The following GLIS3 variants were observed in gnomAD, a reference collection of about 807,000 sequenced individuals.
GLIS3 encodes the protein GLIS family zinc finger 3, also known as zinc finger protein GLIS3.
A neutral mutation model predicts 78.6 loss-of-function variants in GLIS3; 53 were observed. The ratio of observed to expected loss-of-function variants is 0.67; its 90% confidence interval spans 0.54 to 0.85. The LOEUF is 0.85. Ranked by LOEUF, GLIS3 falls within the 40% of genes least tolerant of loss-of-function variation. GLIS3 has a pLI of 0.00. For missense variants in GLIS3, 1,703 were observed against 1,231.1 expected, an observed-to-expected ratio of 1.38 and a Z score of -5.74; for synonymous variants, 684 against 509.9, an observed-to-expected ratio of 1.34 and a Z score of -4.60.
intron 2 of GLIS3, among the ~76,000 whole-genome samples, chr9:4,188,485 T>G (rs1420954867): frequency 6.6e-6 from 1 of 150,692 alleles, no homozygotes; most frequent in Admixed American, 6.6e-5. Flanking sequence ...TGCCCGGCTT[T>G]GGTATCAGGA....
chr9:4,397,009 CTTTTTTCT>C, the GLIS3 span, among the ~76,000 whole-genome samples: 42 of 142,012 alleles, frequency 3.0e-4, no homozygotes, highest in South Asian at 6.8e-4. Flanking sequence ...TTTGTCAATC[CTTTTTTCT>C]TTTTTTCTTT....
Position 3,995,128 on chromosome 9 carries a change from C to T in GLIS3, c.1711-57939G>A, listed in dbSNP as rs561029142. Among the ~76,000 whole-genome samples, 69 of 152,112 alleles carry T rather than the reference C, an allele frequency of 4.5e-4. 1 individual carries two copies. Among genetic ancestry groups the T allele is most frequent in the African/African-American group, 1.6e-3 (65 of 41,490 alleles). ...GCAAATAAACTGGGAGGAGCAAAAC[C>T]AAACCTGACCTACAGAGTGAGGCAG... On this transcript the variant is annotated intron_variant, in intron 4 of 10. Coordinates refer to ENST00000381971, the MANE Select transcript of GLIS3 (RefSeq NM_001042413.2).
At chr9:3,969,981 T>C (rs1818263212) in intron 4 of GLIS3, among the ~76,000 whole-genome samples, 1 of 152,218 alleles carries the variant, frequency 6.6e-6, no homozygotes, top group Admixed American at 6.5e-5. Flanking sequence ...TGATAAAATA[T>C]TTTATTTAGA....
chr9:4,090,126 T>C (rs1196663213), intron 4 of GLIS3, among the ~76,000 whole-genome samples: 4 of 152,096 alleles, frequency 2.6e-5, no homozygotes, highest in African/African-American at 9.7e-5. Context: ...CAGAAGTGGA[T>C]CCCATCCCTA....
At chr9:4,133,556 A>G (rs1833136243) in intron 2 of GLIS3, among the ~76,000 whole-genome samples, 1 of 152,090 alleles carries the variant, frequency 6.6e-6, no homozygotes, top group Non-Finnish European at 1.5e-5. Flanking sequence ...ACCACTGACT[A>G]GCTGTGTGAC....
At position 4,025,019 on chromosome 9, in the gene GLIS3, C is replaced by A. The variant is rs747921607; in HGVS notation, c.1711-87830G>T. Among the ~76,000 whole-genome samples, 5 of 152,042 alleles carry A rather than the reference C, an allele frequency of 3.3e-5. No individual in the cohort carries two copies. In the South Asian group the frequency reaches 8.3e-4, roughly 25 times the overall value. On this transcript the variant is annotated intron_variant, in intron 4 of 10. Coordinates refer to ENST00000381971, the MANE Select transcript of GLIS3 (RefSeq NM_001042413.2). The stretch of plus-strand genomic sequence containing the variant: ...ATCCCAGCACTTTGGGAGGCCGAAG[C>A]GGGCAGATCACCTTGAGGTCAGGAG...
upstream of GLIS3, among the ~76,000 whole-genome samples, chr9:4,351,755 G>T (rs1443164630): frequency 6.6e-6 from 1 of 152,120 alleles, no homozygotes; most frequent in East Asian, 1.9e-4. Context: ...ATGGGCCTTA[G>T]ATTTTTAAAA....
At chr9:4,000,623 A>T in intron 4 of GLIS3, among the ~76,000 whole-genome samples, 1 of 152,304 alleles carries the variant, frequency 6.6e-6, no homozygotes, top group East Asian at 1.9e-4. Context: ...CTCTGCCTAA[A>T]AGCTTCTAGT....
chr9:4,258,564 A>G (rs957163605), intron 2 of GLIS3, among the ~76,000 whole-genome samples: 1 of 152,164 alleles, frequency 6.6e-6, no homozygotes, highest in African/African-American at 2.4e-5. Context: ...ACAAAACAAG[A>G]TTCATAATGG....
At chr9:4,445,269 T>C in the GLIS3 span, among the ~76,000 whole-genome samples, 1 of 152,182 alleles carries the variant, frequency 6.6e-6, no homozygotes, top group Non-Finnish European at 1.5e-5. Context: ...TGCTGTAGCA[T>C]TTTTCATCAC....
intron 4 of GLIS3, among the ~76,000 whole-genome samples, chr9:3,994,366 G>C (rs970187871): frequency 3.9e-5 from 6 of 152,162 alleles, no homozygotes; most frequent in African/African-American, 1.4e-4. Flanking sequence ...TGGCAAATAA[G>C]GAATGCTGGC....
At chr9:4,420,656 G>A in the GLIS3 span, among the ~76,000 whole-genome samples, 68 of 152,194 alleles carry the variant, frequency 4.5e-4, no homozygotes, top group African/African-American at 1.6e-3. Context: ...TTGAACAGCC[G>A]CTGATCTCTT....
At chr9:3,989,402 G>A (rs1372015529) in intron 4 of GLIS3, among the ~76,000 whole-genome samples, 1 of 152,194 alleles carries the variant, frequency 6.6e-6, no homozygotes, top group Non-Finnish European at 1.5e-5. Flanking sequence ...TAATTATCCA[G>A]AGAAATGAAA....
At chr9:4,309,793 C>T (rs1817315029) in intron 3 of GLIS3, among the ~76,000 whole-genome samples, 1 of 151,924 alleles carries the variant, frequency 6.6e-6, no homozygotes, top group East Asian at 1.9e-4. Flanking sequence ...ATCATTGCAA[C>T]AAGCAACTCA....
chr9:4,196,727 G>C (rs945169399), intron 2 of GLIS3, among the ~76,000 whole-genome samples: 3 of 152,160 alleles, frequency 2.0e-5, no homozygotes, highest in Admixed American at 2.0e-4. Flanking sequence ...TTTAAGAACT[G>C]TAACACTCAC....
chr9:4,147,760 G>C (rs1025231918), intron 2 of GLIS3: 1 of 151,816 alleles, frequency 6.6e-6, no homozygotes, highest in South Asian at 2.1e-4. Flanking sequence ...GAGCAGGTGG[G>C]TGAACTCACC....
the GLIS3 span, among the ~76,000 whole-genome samples, chr9:4,468,785 A>T: frequency 6.6e-6 from 1 of 152,228 alleles, no homozygotes; most frequent in African/African-American, 2.4e-5. Context: ...CACACATAAC[A>T]ATATTAACCT....
At chr9:3,832,847 T>C (rs921202416) in intron 9 of GLIS3, among the ~76,000 whole-genome samples, 13 of 152,206 alleles carry the variant, frequency 8.5e-5, no homozygotes, top group African/African-American at 3.1e-4. Flanking sequence ...ATTTTTTCAC[T>C]AAACTCCCAC....
intron 1 of GLIS3, chr9:4,298,325 G>A: frequency 2.2e-6 from 1 of 455,702 alleles, no homozygotes; most frequent in Middle Eastern, 3.3e-4. Context: ...CCTCCAGCAA[G>A]TCGGAGGGCG....
Sources: gnomAD v4.1 joint callset for allele counts (sites outside exome capture counted in the v4.1 genomes callset) on GRCh38, gnomAD v4.1.1 for gene constraint, MANE v1.5 for transcripts, NCBI Gene and HGNC (gene_info 2026-07-23, HGNC 2026-07-21) for gene names.